RBL2: variants seen among roughly 807,000 people sequenced by gnomAD.
The protein encoded by RBL2 is retinoblastoma-like protein 2.
RBL2 carries 56 observed loss-of-function variants against 126.0 expected under a neutral mutation model. That is an observed-to-expected ratio of 0.44 (90% CI 0.36 to 0.56). RBL2 has a LOEUF of 0.56. Ranked by LOEUF, RBL2 falls within the 20% of genes least tolerant of loss-of-function variation. The pLI, the probability that RBL2 is intolerant of heterozygous loss-of-function variation, is 0.00. For missense variants in RBL2, 1,229 were observed against 1,398.2 expected, an observed-to-expected ratio of 0.88 and a Z score of 1.93; for synonymous variants, 454 against 478.5, an observed-to-expected ratio of 0.95 and a Z score of 0.67.
chr16:53,471,307 T>A (rs1001811262), intron 17 of RBL2, among the ~76,000 whole-genome samples: 2 of 152,188 alleles, frequency 1.3e-5, no homozygotes, highest in Non-Finnish European at 2.9e-5. Context: ...TTTTAACTAT[T>A]TAGGGAATTG....
In RBL2 at chr16:53,455,041, G is replaced by T. The variant is rs2058154010; in HGVS notation, c.1179+199G>T. Among the ~76,000 whole-genome samples, 6 of 152,236 alleles carry T rather than the reference G, an allele frequency of 3.9e-5. No individual in the cohort carries two copies. In the South Asian group the frequency reaches 1.2e-3, roughly 32 times the overall value. On this transcript the variant is annotated intron_variant, in intron 8 of 21. Transcript: ENST00000262133. ...ATCAACTTTCATTCATTTTAGTGAGGTCTGAGAAAAAGAAATTAATATAAA... is the reference window on the plus strand; with the variant it reads ...ATCAACTTTCATTCATTTTAGTGAGTTCTGAGAAAAAGAAATTAATATAAA...
intron 5 of RBL2, among the ~76,000 whole-genome samples, chr16:53,452,991 T>C (rs1456481715): frequency 6.6e-6 from 1 of 151,326 alleles, no homozygotes; most frequent in African/African-American, 2.4e-5. Context: ...TTTTATTTGA[T>C]TTTTTTTCTT....
chr16:53,447,487 G>C (rs890871152), intron 4 of RBL2, among the ~76,000 whole-genome samples: 1 of 152,026 alleles, frequency 6.6e-6, no homozygotes, highest in African/African-American at 2.4e-5. Flanking sequence ...GAGCTGTTCA[G>C]ATTTTTTTTT....
Position 53,445,025 on chromosome 16 carries a change from C to A in RBL2, c.573-2017C>A, listed in dbSNP as rs118143514. ...CTTAGGATATATATACTACCTAATT[C>A]TAATTAAGAGAATTTTAAAAGGCCA... On this transcript the variant is annotated intron_variant, in intron 3 of 21. Transcript: ENST00000262133. Among the ~76,000 whole-genome samples the A allele has an allele frequency of 3.9e-4, 59 of 152,108 alleles. No individual in the cohort carries two copies. The East Asian group carries it at 0.011, about 28-fold the overall frequency.
At chr16:53,439,193 C>A (rs372563282) in intron 2 of RBL2, 47 bp downstream of exon 2, 329 of 1,443,026 alleles carry the variant, frequency 2.3e-4, no homozygotes, top group Non-Finnish European at 2.9e-4. Context: ...AATGTAAGCT[C>A]ATAAATCATA....
At chr16:53,479,665 G>A in intron 18 of RBL2, 1 of 495,398 alleles carries the variant, frequency 2.0e-6, no homozygotes, top group Non-Finnish European at 3.6e-6. Context: ...TGCTGTCACT[G>A]CAGTGTAGTA....
intron 21 of RBL2, among the ~76,000 whole-genome samples, chr16:53,486,012 C>G (rs1363987107): frequency 1.3e-5 from 2 of 150,924 alleles, no homozygotes; most frequent in Non-Finnish European, 3.0e-5. Flanking sequence ...TAATGCCAGC[C>G]AGATGTCGTG....
intron 21 of RBL2, 75 bp downstream of exon 21, chr16:53,481,910 C>T (rs1960967006): frequency 1.3e-6 from 2 of 1,483,054 alleles, no homozygotes; most frequent in Non-Finnish European, 1.9e-6. Flanking sequence ...TTGTGCTAAG[C>T]TTAGGCACTC....
Position 53,459,434 on chromosome 16 carries a change from A to G in RBL2, c.1180-17A>G. The G allele has an allele frequency of 6.5e-7, 1 of 1,527,592 alleles. No individual in the cohort carries two copies. Among genetic ancestry groups the G allele is most frequent in the Non-Finnish European group, 8.9e-7 (1 of 1,118,868 alleles). 94.6% of individuals were successfully genotyped at this position (1,527,592 alleles called of 1,614,324 possible). A position where few individuals can be genotyped will look rare whatever the true frequency, so the allele number is the denominator to read the frequency against. ...AAAAAATGTTTATTAATTCTGTGTA[A>G]TTTTTTTTTTCTTTAGTCCAAAGCA... is the stretch of plus-strand genomic sequence containing the variant. On this transcript the variant is annotated splice_polypyrimidine_tract_variant and intron_variant, in intron 8 of 21. Coordinates refer to ENST00000262133, the MANE Select transcript of RBL2 (RefSeq NM_005611.4).
At chr16:53,435,964 C>T (rs2057954707) in intron 1 of RBL2, among the ~76,000 whole-genome samples, 1 of 152,132 alleles carries the variant, frequency 6.6e-6, no homozygotes, top group Non-Finnish European at 1.5e-5. Context: ...TTGTGTTTAC[C>T]TCACAGAGCT....
At chr16:53,454,316 T>TGCCTCA (rs1475301204) in intron 7 of RBL2, 1 of 418,156 alleles carries the variant, frequency 2.4e-6, no homozygotes, top group Non-Finnish European at 4.7e-6. Context: ...GCGATTCTTC[T>TGCCTCA]GCCTCAGCCT....
intron 19 of RBL2, 31 bp downstream of exon 19, chr16:53,480,022 A>C: frequency 6.9e-7 from 1 of 1,447,816 alleles, no homozygotes; most frequent in Non-Finnish European, 9.5e-7. Context: ...CTACAAGACA[A>C]AATTAGGAGC....
chr16:53,473,737 T>G (rs936839016), intron 17 of RBL2, among the ~76,000 whole-genome samples: 2 of 152,102 alleles, frequency 1.3e-5, no homozygotes, highest in African/African-American at 2.4e-5. Flanking sequence ...GGAAAGCATC[T>G]AGTTTTTCAC....
intron 17 of RBL2, among the ~76,000 whole-genome samples, chr16:53,476,223 T>C (rs1186948098): frequency 6.6e-6 from 1 of 152,188 alleles, no homozygotes; most frequent in Non-Finnish European, 1.5e-5. Context: ...ATTTCAAAAG[T>C]ATTTTCTGAT....
intron 9 of RBL2, among the ~76,000 whole-genome samples, chr16:53,461,186 T>C (rs1404199839): frequency 6.6e-6 from 1 of 152,164 alleles, no homozygotes; most frequent in East Asian, 1.9e-4. Flanking sequence ...GTTGCTAAAC[T>C]TCCTGCACTG....
At chr16:53,467,739 T>A (rs2058285568) in intron 14 of RBL2, among the ~76,000 whole-genome samples, 1 of 152,216 alleles carries the variant, frequency 6.6e-6, no homozygotes, top group South Asian at 2.1e-4. Flanking sequence ...TGTTTATTTA[T>A]GAGCATACAA....
intron 21 of RBL2, among the ~76,000 whole-genome samples, chr16:53,486,760 G>A (rs1380609347): frequency 6.6e-6 from 1 of 152,104 alleles, no homozygotes; most frequent in Non-Finnish European, 1.5e-5. Context: ...ATTGTAACTG[G>A]GAGTCCTAGC....
At chr16:53,463,390 A>G (rs2058241508) in intron 11 of RBL2, among the ~76,000 whole-genome samples, 1 of 151,236 alleles carries the variant, frequency 6.6e-6, no homozygotes, top group Admixed American at 6.6e-5. Context: ...GCAGTGGTGC[A>G]ATCTCGGCTC....
At position 53,454,615 on chromosome 16, in the gene RBL2, T is replaced by C. The variant is rs1225091421; in HGVS notation, c.993-41T>C. 3 of 1,471,760 alleles carry C rather than the reference T, an allele frequency of 2.0e-6. No homozygotes were observed. In the South Asian group the frequency reaches 3.7e-5, roughly 18 times the overall value. 91.2% of individuals were successfully genotyped at this position (1,471,760 alleles called of 1,614,324 possible). On this transcript the variant is annotated intron_variant, in intron 7 of 21. Coordinates refer to ENST00000262133, the MANE Select transcript of RBL2 (RefSeq NM_005611.4). ...AAATAATTAATTGAAATGGCAGTTC[T>C]GTGAGAGAGTACATTTTGTCTGTAT...
Sources: gnomAD v4.1 joint callset for allele counts (sites outside exome capture counted in the v4.1 genomes callset) on GRCh38, gnomAD v4.1.1 for gene constraint, MANE v1.5 for transcripts, NCBI Gene and HGNC (gene_info 2026-07-23, HGNC 2026-07-21) for gene names.